The following SHANK2 variants were observed in gnomAD, a reference collection of about 807,000 sequenced individuals.
SHANK2 encodes SH3 and multiple ankyrin repeat domains 2.
In SHANK2, 43 loss-of-function variants were observed where a neutral mutation model predicts 133.7. The ratio of observed to expected loss-of-function variants is 0.32; its 90% CI spans 0.25 to 0.41. The LOEUF is 0.41. Ranked by LOEUF, SHANK2 falls within the 10% of genes least tolerant of loss-of-function variation. SHANK2 has a pLI of 1.00. For synonymous variants in SHANK2, 1,017 were observed against 952.8 expected, an observed-to-expected ratio of 1.07 and a Z score of -1.24; for missense variants, 1,994 against 2,235.8, an observed-to-expected ratio of 0.89 and a Z score of 2.18.
At chr11:70,642,858 T>A (rs1485010477) in intron 17 of SHANK2, among the ~76,000 whole-genome samples, 2 of 152,178 alleles carry the variant, frequency 1.3e-5, no homozygotes, top group Non-Finnish European at 2.9e-5. Context: ...TACAAGTTTT[T>A]AAAAAAAGTT....
intron 17 of SHANK2, among the ~76,000 whole-genome samples, chr11:70,510,307 A>C (rs567001425): frequency 7.4e-4 from 113 of 152,256 alleles, no homozygotes; most frequent in Non-Finnish European, 1.4e-3. Flanking sequence ...GGGTGTTGTG[A>C]GTGGGAACTC....
At chr11:70,553,656 C>A (rs1280368489) in intron 17 of SHANK2, among the ~76,000 whole-genome samples, 1 of 152,172 alleles carries the variant, frequency 6.6e-6, no homozygotes, top group Non-Finnish European at 1.5e-5. Context: ...GCTCTTTCAC[C>A]GAGGGCCATG....
chr11:70,764,559 A>G (rs1174922095), intron 14 of SHANK2, among the ~76,000 whole-genome samples: 2 of 148,156 alleles, frequency 1.3e-5, no homozygotes, highest in African/African-American at 5.0e-5. Flanking sequence ...CCATCCACCT[A>G]TCTACCCACA....
intron 17 of SHANK2, among the ~76,000 whole-genome samples, chr11:70,608,013 A>G: frequency 6.6e-6 from 1 of 152,234 alleles, no homozygotes; most frequent in East Asian, 1.9e-4. Flanking sequence ...GCCCAGAGTC[A>G]CACAGAAAAG....
Position 70,869,506 on chromosome 11 carries a change from G to C in SHANK2, c.1174+26995C>G, listed in dbSNP as rs561195573. Among the ~76,000 whole-genome samples the C allele has an allele frequency of 9.9e-5, 15 of 152,244 alleles. No homozygotes were observed. The South Asian group carries it at 1.7e-3, about 17-fold the overall frequency. ...GCTGTAGGAGGCTTTCATATTTCACGGCAAAGTTGTGCAGACCAGTTGGTT... is the reference window on the plus strand; with the variant it reads ...GCTGTAGGAGGCTTTCATATTTCACCGCAAAGTTGTGCAGACCAGTTGGTT... On this transcript the variant is annotated intron_variant, in intron 11 of 25. Transcript: ENST00000601538.
At chr11:70,881,530 T>C (rs1403563537) in intron 11 of SHANK2, among the ~76,000 whole-genome samples, 3 of 147,700 alleles carry the variant, frequency 2.0e-5, no homozygotes, top group Non-Finnish European at 3.0e-5. Flanking sequence ...GCCTGAACAA[T>C]ACAGGGAGAC....
intron 11 of SHANK2, among the ~76,000 whole-genome samples, chr11:70,823,419 C>CATGA (rs1332678170): frequency 8.1e-6 from 1 of 122,804 alleles, no homozygotes; most frequent in African/African-American, 3.2e-5. Flanking sequence ...TGGCAGAACT[C>CATGA]GGGGGACAGA....
chr11:71,252,034 G>C lies in SHANK2; in HGVS notation c.-113+391C>G, dbSNP rs893884948. Among the ~76,000 whole-genome samples the C allele has an allele frequency of 3.3e-5, 5 of 152,136 alleles. No individual in the cohort carries two copies. The highest frequency in any genetic ancestry group is 7.4e-5 in the Non-Finnish European group (5 of 68,010). On this transcript the variant is annotated intron_variant, in intron 1 of 25. Coordinates refer to ENST00000601538, the MANE Select transcript of SHANK2 (RefSeq NM_012309.5). This position sits in a 1 kb window ranked among gnomAD's most constrained non-coding sequence, Gnocchi z 6.3. The stretch of plus-strand genomic sequence containing the variant: ...GCAAGGAGACCCCGGGAGAGCGGGG[G>C]AGGTCGCGCCACACGCGCTGTTCCA...
intron 17 of SHANK2, among the ~76,000 whole-genome samples, chr11:70,524,253 T>C (rs1264275145): frequency 6.6e-6 from 1 of 152,188 alleles, no homozygotes; most frequent in Non-Finnish European, 1.5e-5. Context: ...CAGCTGTGAA[T>C]GCCACCATCG....
intron 14 of SHANK2, among the ~76,000 whole-genome samples, chr11:70,717,181 A>G (rs2440885): frequency 0.44 from 67,006 of 152,058 alleles, 14,986 homozygotes; most frequent in Non-Finnish European, 0.47. Context: ...CCAGCCTTGC[A>G]GGGACTTTCA....
rs181941021 is a variant in SHANK2 at position 70,615,733 on chromosome 11, C to G, written c.2061+44095G>C. 1.8e-3 allele frequency among the ~76,000 whole-genome samples: 271 copies of G among 152,322 alleles called. 2 individuals carry two copies. The highest frequency in any genetic ancestry group is 3.2e-3 in the Non-Finnish European group (215 of 68,028). ...GTAAGCGGCGCGTGGTGAACCTGCT[C>G]CACACCTTGGGGCAGAGCTGTCAGG... On this transcript the variant is annotated intron_variant, in intron 17 of 25. Coordinates refer to ENST00000601538, the MANE Select transcript of SHANK2 (RefSeq NM_012309.5).
chr11:70,794,634 T>G (rs1057514396), intron 14 of SHANK2, among the ~76,000 whole-genome samples: 3 of 152,346 alleles, frequency 2.0e-5, no homozygotes, highest in East Asian at 1.9e-4. Context: ...CTTGGCTCAC[T>G]GCAACCTCCA....
At chr11:71,163,071 T>TAAAA (rs1159852026) in intron 2 of SHANK2, among the ~76,000 whole-genome samples, 22 of 45,462 alleles carry the variant, frequency 4.8e-4, no homozygotes, top group East Asian at 1.0e-3. Context: ...AGACTCTGTC[T>TAAAA]AAAAAAAAAA....
rs1555058050 is a variant in SHANK2 at position 70,830,330 on chromosome 11, T to C, written c.1175-9648A>G. Among the ~76,000 whole-genome samples, 1 of 152,146 alleles carries C rather than the reference T, an allele frequency of 6.6e-6. No homozygotes were observed. Among genetic ancestry groups the C allele is most frequent in the East Asian group, 1.9e-4 (1 of 5,184 alleles). On this transcript the variant is annotated intron_variant, in intron 11 of 25. Transcript: ENST00000601538. This position sits in a 1 kb window ranked among gnomAD's most constrained non-coding sequence, Gnocchi z 4.4. ...GGGAGGGAAGTTCTGTGTGGACAAA[T>C]GTTCCGTGTGAGTGTTTGGGGTCCG...
chr11:70,859,014 G>T (rs1230762752), intron 11 of SHANK2, among the ~76,000 whole-genome samples: 1 of 152,200 alleles, frequency 6.6e-6, no homozygotes, highest in Non-Finnish European at 1.5e-5. Context: ...CACTGGTGTT[G>T]GGCCTAGAGT....
At chr11:70,610,050 G>C (rs112603443) in intron 17 of SHANK2, among the ~76,000 whole-genome samples, 126 of 151,868 alleles carry the variant, frequency 8.3e-4, no homozygotes, top group Non-Finnish European at 1.6e-3. Flanking sequence ...GGACCAGGGA[G>C]GGGTGAGGGG....
chr11:71,186,590 G>A (rs1295884312), intron 2 of SHANK2, among the ~76,000 whole-genome samples: 4 of 152,154 alleles, frequency 2.6e-5, no homozygotes, highest in South Asian at 2.1e-4. Flanking sequence ...CTGAGAACAC[G>A]GACACTCGTA....
chr11:70,785,136 G>A (rs1165381830), intron 14 of SHANK2, among the ~76,000 whole-genome samples: 1 of 152,134 alleles, frequency 6.6e-6, no homozygotes, highest in Non-Finnish European at 1.5e-5. Context: ...GGTAGCCTGT[G>A]AGCCTCCGGG....
intron 8 of SHANK2, among the ~76,000 whole-genome samples, chr11:71,075,693 G>A (rs2135984824): frequency 6.6e-6 from 1 of 152,292 alleles, no homozygotes; most frequent in African/African-American, 2.4e-5. Context: ...CCTTCCAAGG[G>A]GGCAGCACAA....
Sources: allele counts gnomAD v4.1 joint callset (sites outside exome capture counted in the v4.1 genomes callset), GRCh38; gene constraint gnomAD v4.1.1; non-coding constraint Gnocchi (gnomAD v3.1); transcripts MANE v1.5; gene names NCBI Gene and HGNC (gene_info 2026-07-23, HGNC 2026-07-21).